CHRM3: variants seen among roughly 807,000 people sequenced by gnomAD.
CHRM3 encodes cholinergic receptor muscarinic 3, also known as muscarinic acetylcholine receptor M3.
CHRM3 carries 11 observed loss-of-function variants against 41.8 expected under a neutral mutation model. That is an observed-to-expected ratio of 0.26 (90% CI 0.17 to 0.44). The LOEUF (loss-of-function observed/expected upper bound fraction) is 0.44, where lower values mean the gene tolerates loss of function less well. Among genes scored for constraint, CHRM3 ranks in the 20% least tolerant of loss-of-function variants. CHRM3 has a pLI of 1.00. For synonymous variants in CHRM3, 297 were observed against 301.4 expected, an observed-to-expected ratio of 0.99 and a Z score of 0.15; for missense variants, 571 against 745.4, an observed-to-expected ratio of 0.77 and a Z score of 2.72.
chr1:239,672,399 G>C (rs967539444), intron 4 of CHRM3, among the ~76,000 whole-genome samples: 1 of 152,036 alleles, frequency 6.6e-6, no homozygotes, highest in African/African-American at 2.4e-5. Flanking sequence ...CAGAGATGTC[G>C]ACCCAAGCTT....
chr1:239,563,581 A>AT (rs990654264), intron 3 of CHRM3, among the ~76,000 whole-genome samples: 12 of 152,070 alleles, frequency 7.9e-5, no homozygotes, highest in Middle Eastern at 3.2e-3. Flanking sequence ...CAGAATCTAG[A>AT]TTTTTTTTGT....
chr1:239,489,895 A>G (rs564548126), intron 1 of CHRM3, among the ~76,000 whole-genome samples: 3 of 152,244 alleles, frequency 2.0e-5, no homozygotes, highest in Admixed American at 2.0e-4. Flanking sequence ...AAGAAGGAGG[A>G]AAAAATAATC....
chr1:239,863,616 C>T (rs1009337163), intron 6 of CHRM3, among the ~76,000 whole-genome samples: 1 of 152,132 alleles, frequency 6.6e-6, no homozygotes, highest in African/African-American at 2.4e-5. Context: ...AGGCACCAGG[C>T]TTAGAAGATT....
intron 5 of CHRM3, among the ~76,000 whole-genome samples, chr1:239,733,612 A>G (rs999606564): frequency 6.6e-6 from 1 of 152,106 alleles, no homozygotes; most frequent in Non-Finnish European, 1.5e-5. Flanking sequence ...TAGTTTCATT[A>G]CAAAGCATCT....
chr1:239,529,505 G>A lies in CHRM3; in HGVS notation c.-421-16136G>A, dbSNP rs1442624779. Among the ~76,000 whole-genome samples the A allele has an allele frequency of 2.6e-5, 4 of 151,340 alleles. No homozygotes were observed. In the East Asian group the frequency reaches 5.9e-4, roughly 22 times the overall value. On this transcript the variant is annotated intron_variant, in intron 2 of 6. Transcript: ENST00000676153. ...CATGTGCCTGTAATCCCAGCCACTC[G>A]GGAGGCTGAGGCAAGAGAATCACTT...
chr1:239,616,187 A>T (rs1667611403), intron 3 of CHRM3, among the ~76,000 whole-genome samples: 2 of 152,106 alleles, frequency 1.3e-5, no homozygotes, highest in Non-Finnish European at 2.9e-5. Flanking sequence ...AGACTTGTTG[A>T]CCTCCTCACT....
intron 1 of CHRM3, among the ~76,000 whole-genome samples, chr1:239,465,032 T>C (rs569062634): frequency 9.8e-5 from 15 of 152,300 alleles, no homozygotes; most frequent in African/African-American, 3.4e-4. Flanking sequence ...ATTTGATTTA[T>C]TTTTCAAAAA....
At chr1:239,867,657 GC>G (rs1407384762) in intron 6 of CHRM3, among the ~76,000 whole-genome samples, 1 of 148,556 alleles carries the variant, frequency 6.7e-6, no homozygotes, top group Admixed American at 6.9e-5. Flanking sequence ...CCGCATTCCA[GC>G]CTGGGTGACA....
At chr1:239,726,759 A>C (rs181530815) in intron 5 of CHRM3, among the ~76,000 whole-genome samples, 4 of 152,064 alleles carry the variant, frequency 2.6e-5, no homozygotes, top group Non-Finnish European at 4.4e-5. Flanking sequence ...TAAATGTCTT[A>C]TTGAACCAGC....
At chr1:239,897,789 G>A (rs891962532) in intron 6 of CHRM3, among the ~76,000 whole-genome samples, 4 of 152,120 alleles carry the variant, frequency 2.6e-5, no homozygotes, top group South Asian at 2.1e-4. Flanking sequence ...TTAGACTTGC[G>A]AGTGCTAATG....
chr1:239,785,523 C>T (rs1668823169), intron 5 of CHRM3, among the ~76,000 whole-genome samples: 1 of 152,200 alleles, frequency 6.6e-6, no homozygotes, highest in South Asian at 2.1e-4. Flanking sequence ...GCTTCTGCTA[C>T]AGTCTCATTG....
At chr1:239,467,024 C>G (rs1244342036) in intron 1 of CHRM3, among the ~76,000 whole-genome samples, 1 of 151,908 alleles carries the variant, frequency 6.6e-6, no homozygotes, top group Non-Finnish European at 1.5e-5. Flanking sequence ...ACATTTTTTT[C>G]AAATAATAAG....
intron 3 of CHRM3, among the ~76,000 whole-genome samples, chr1:239,619,424 T>C (rs994596001): frequency 2.0e-5 from 3 of 152,130 alleles, no homozygotes; most frequent in African/African-American, 7.2e-5. Flanking sequence ...AAGAAGCAGG[T>C]CCTACATATA....
At chr1:239,873,544 C>T (rs1437195339) in intron 6 of CHRM3, among the ~76,000 whole-genome samples, 1 of 151,944 alleles carries the variant, frequency 6.6e-6, no homozygotes, top group Non-Finnish European at 1.5e-5. Flanking sequence ...TCCCTATGTC[C>T]ATGTGTTCTC....
chr1:239,666,084 G>A (rs10754676), intron 4 of CHRM3, among the ~76,000 whole-genome samples: 94,719 of 151,916 alleles, frequency 0.62, 29,901 homozygotes, highest in East Asian at 0.84. Context: ...GATCCTTGAG[G>A]AATCACCACA....
chr1:239,859,401 T>G (rs1099066), intron 6 of CHRM3, among the ~76,000 whole-genome samples: 67,796 of 145,840 alleles, frequency 0.46, 17,303 homozygotes, highest in East Asian at 0.57. Context: ...GCCTGTTTTT[T>G]TTGTTGTTGT....
chr1:239,610,287 T>C (rs1666875328), intron 3 of CHRM3, among the ~76,000 whole-genome samples: 1 of 151,256 alleles, frequency 6.6e-6, no homozygotes, highest in South Asian at 2.1e-4. Context: ...AACTTCACTA[T>C]CCTTTAAAAT....
intron 6 of CHRM3, among the ~76,000 whole-genome samples, chr1:239,857,739 G>A (rs946576102): frequency 1.3e-5 from 2 of 152,106 alleles, no homozygotes; most frequent in African/African-American, 4.8e-5. Context: ...CTGGAAGGGA[G>A]GTGGATAATC....
At chr1:239,407,417 T>TAGAGAGAGAGAGAGAG (rs67319486) in intron 1 of CHRM3, among the ~76,000 whole-genome samples, 4 of 134,202 alleles carry the variant, frequency 3.0e-5, no homozygotes, top group Middle Eastern at 4.0e-3. Context: ...TATATATATA[T>TAGAGAGAGAGAGAGAG]AGAGAGAGAG....
Sources: gnomAD v4.1 joint callset for allele counts (sites outside exome capture counted in the v4.1 genomes callset) on GRCh38, gnomAD v4.1.1 for gene constraint, MANE v1.5 for transcripts, NCBI Gene and HGNC (gene_info 2026-07-23, HGNC 2026-07-21) for gene names.